DNAJC3: variants seen among roughly 807,000 people sequenced by gnomAD.
The protein encoded by DNAJC3 is dnaJ homolog subfamily C member 3.
Under a neutral mutation model 68.6 loss-of-function variants are expected in DNAJC3, and 38 were observed. The observed-to-expected ratio is 0.55, with a 90% CI of 0.43 to 0.73. The LOEUF (loss-of-function observed/expected upper bound fraction) is 0.73, where lower values mean the gene tolerates loss of function less well. Ranked by LOEUF, DNAJC3 falls within the 30% of genes least tolerant of loss-of-function variation. DNAJC3 has a pLI of 0.00. For missense variants in DNAJC3, 526 were observed against 591.9 expected, an observed-to-expected ratio of 0.89 and a Z score of 1.16; for synonymous variants, 203 against 204.0, an observed-to-expected ratio of 1.00 and a Z score of 0.04.
At chr13:95,745,620 C>G (rs1050386285) in intron 4 of DNAJC3, 7 of 152,192 alleles carry the variant, frequency 4.6e-5, no homozygotes, top group African/African-American at 1.7e-4. Context: ...TCTTTGTTTT[C>G]AAACAAATTC....
intron 9 of DNAJC3, among the ~76,000 whole-genome samples, chr13:95,779,119 C>CTTTTTTTT (rs142933580): frequency 7.0e-4 from 69 of 97,980 alleles, no homozygotes; most frequent in Non-Finnish European, 1.1e-3. Flanking sequence ...TTTCTTCTTT[C>CTTTTTTTT]TTTTTTTTTT....
intron 4 of DNAJC3, among the ~76,000 whole-genome samples, chr13:95,749,171 T>C (rs1229854632): frequency 2.0e-5 from 3 of 152,280 alleles, no homozygotes. Context: ...ATTTTTGTTA[T>C]ATCATACTGC....
At chr13:95,710,239 T>C (rs1051378095) in intron 2 of DNAJC3, among the ~76,000 whole-genome samples, 6 of 151,612 alleles carry the variant, frequency 4.0e-5, no homozygotes, top group East Asian at 3.9e-4. Context: ...TTTTCTTTTT[T>C]TTTTTTTTTG....
At chr13:95,708,074 T>A in intron 1 of DNAJC3, among the ~76,000 whole-genome samples, 1 of 152,158 alleles carries the variant, frequency 6.6e-6, no homozygotes, top group Non-Finnish European at 1.5e-5. Flanking sequence ...TACCCCTGGA[T>A]GTCCTCCTCA....
At chr13:95,776,854 G>A (rs1883307154) in intron 9 of DNAJC3, among the ~76,000 whole-genome samples, 1 of 152,132 alleles carries the variant, frequency 6.6e-6, no homozygotes, top group Admixed American at 6.5e-5. Context: ...TGATGTAGGT[G>A]GGAATGAATG....
chr13:95,715,028 G>A (rs570285528), intron 2 of DNAJC3, among the ~76,000 whole-genome samples: 2 of 152,266 alleles, frequency 1.3e-5, no homozygotes, highest in South Asian at 2.1e-4. Flanking sequence ...CAGTGATGCT[G>A]AAACATGGCA....
intron 4 of DNAJC3, among the ~76,000 whole-genome samples, 164 bp from the exon 5 acceptor site, chr13:95,757,480 C>T (rs1028640443): frequency 6.6e-6 from 1 of 152,126 alleles, no homozygotes; most frequent in Non-Finnish European, 1.5e-5. Context: ...AATCAAGGGC[C>T]TTCCCTGCTG....
chr13:95,731,971 C>T (rs973881863), intron 4 of DNAJC3, among the ~76,000 whole-genome samples: 15 of 147,400 alleles, frequency 1.0e-4, no homozygotes, highest in African/African-American at 2.8e-4. Context: ...AACTCCTGGG[C>T]TTAAGAGATC....
intron 4 of DNAJC3, among the ~76,000 whole-genome samples, chr13:95,744,493 C>T (rs972200092): frequency 3.3e-5 from 5 of 152,156 alleles, no homozygotes; most frequent in Admixed American, 2.0e-4. Context: ...TCATATATTT[C>T]AGAATCATTT....
intron 1 of DNAJC3, among the ~76,000 whole-genome samples, chr13:95,690,670 C>T (rs1489969938): frequency 1.4e-5 from 2 of 141,358 alleles, no homozygotes; most frequent in Non-Finnish European, 3.1e-5. Context: ...GGGGCTGACC[C>T]CCCCACCTCC....
intron 9 of DNAJC3, among the ~76,000 whole-genome samples, chr13:95,778,799 T>C (rs983568139): frequency 3.3e-5 from 5 of 152,238 alleles, no homozygotes; most frequent in African/African-American, 1.2e-4. Context: ...AGTATTTTTT[T>C]GTGAAATTTT....
At chr13:95,754,403 T>C (rs781172571) in intron 4 of DNAJC3, among the ~76,000 whole-genome samples, 3 of 152,236 alleles carry the variant, frequency 2.0e-5, no homozygotes, top group Non-Finnish European at 2.9e-5. Flanking sequence ...TTTTGTGACC[T>C]AATCAAGGAC....
At chr13:95,698,657 A>C (rs1880512372) in intron 1 of DNAJC3, among the ~76,000 whole-genome samples, 1 of 152,192 alleles carries the variant, frequency 6.6e-6, no homozygotes, top group African/African-American at 2.4e-5. Context: ...AATGCCTGTC[A>C]TGCAGTTCTC....
In DNAJC3 at chr13:95,704,851, G is replaced by GTTTTTTTTTTTTT. The variant is rs1193979630; in HGVS notation, c.83-4370_83-4358dup. On this transcript the variant is annotated intron_variant, in intron 1 of 11. Transcript: ENST00000602402. ...AGAAAGGACTAATCTGTGTGTGTGT[G>GTTTTTTTTTTTTT]TTTTTTTTTTTTTTTTTTGAGACAG... 6.0e-4 allele frequency among the ~76,000 whole-genome samples: 59 copies of GTTTTTTTTTTTTT among 97,826 alleles called. 8 individuals are homozygous for GTTTTTTTTTTTTT. The highest frequency in any genetic ancestry group is 1.5e-3 in the Admixed American group (15 of 9,940). 64.2% of individuals were successfully genotyped at this position (97,826 alleles called of 152,430 possible). A position where few individuals can be genotyped will look rare whatever the true frequency, so the allele number is the denominator to read the frequency against.
chr13:95,746,133 A>G (rs1447263620), intron 4 of DNAJC3, among the ~76,000 whole-genome samples: 8 of 152,180 alleles, frequency 5.3e-5, no homozygotes, highest in African/African-American at 1.9e-4. Context: ...CCTCTGTTAT[A>G]ATTAGTAATT....
intron 1 of DNAJC3, among the ~76,000 whole-genome samples, chr13:95,698,623 A>T (rs1297568999): frequency 6.6e-6 from 1 of 152,190 alleles, no homozygotes; most frequent in Non-Finnish European, 1.5e-5. Flanking sequence ...TCTCCAGGCC[A>T]CAGTGTAGCC....
At chr13:95,734,465 CTT>C (rs879873687) in intron 4 of DNAJC3, among the ~76,000 whole-genome samples, 2 of 152,140 alleles carry the variant, frequency 1.3e-5, no homozygotes, top group Non-Finnish European at 2.9e-5. Flanking sequence ...TAGTTTTTGA[CTT>C]TTGACAGTTT....
chr13:95,785,871 T>A (rs955840358), intron 9 of DNAJC3, 68 bp from the exon 10 acceptor site: 5 of 1,432,320 alleles, frequency 3.5e-6, no homozygotes, highest in Non-Finnish European at 4.7e-6. Flanking sequence ...GCATCAATTT[T>A]ACAGGATAAG....
intron 4 of DNAJC3, among the ~76,000 whole-genome samples, chr13:95,729,425 C>A (rs1881642824): frequency 6.6e-6 from 1 of 151,328 alleles, no homozygotes; most frequent in Non-Finnish European, 1.5e-5. Context: ...CACACATACC[C>A]CATACTTAAC....
Sources: gnomAD v4.1 joint callset for allele counts (sites outside exome capture counted in the v4.1 genomes callset) on GRCh38, gnomAD v4.1.1 for gene constraint, MANE v1.5 for transcripts, NCBI Gene and HGNC (gene_info 2026-07-23, HGNC 2026-07-21) for gene names.